The following ADCY2 variants were observed in gnomAD, a reference collection of about 807,000 sequenced individuals.
ADCY2 encodes the protein adenylate cyclase type 2.
In ADCY2, 31 loss-of-function variants were observed where a neutral mutation model predicts 125.2. The ratio of observed to expected loss-of-function variants is 0.25; its 90% CI spans 0.19 to 0.33. The LOEUF (loss-of-function observed/expected upper bound fraction) is 0.33. Among genes scored for constraint, ADCY2 ranks in the 10% least tolerant of loss-of-function variants. The pLI is 1.00. For synonymous variants in ADCY2, 512 were observed against 548.4 expected (o/e 0.93, Z 0.93); for missense variants, 904 against 1,418.2 (o/e 0.64, Z 5.82).
intron 4 of ADCY2, among the ~76,000 whole-genome samples, chr5:7,667,176 T>C (rs1468988306): frequency 1.3e-5 from 2 of 151,984 alleles, no homozygotes; most frequent in African/African-American, 4.8e-5. Context: ...TGCAGCTACT[T>C]CCAGGCTTTT....
intron 3 of ADCY2, among the ~76,000 whole-genome samples, chr5:7,550,780 G>A (rs868468375): frequency 6.6e-5 from 10 of 152,006 alleles, no homozygotes; most frequent in Admixed American, 3.9e-4. Context: ...TCACCTGTGC[G>A]GTTCCACTCA....
chr5:7,505,009 C>G (rs1197999248), intron 2 of ADCY2, among the ~76,000 whole-genome samples: 2 of 151,992 alleles, frequency 1.3e-5, no homozygotes, highest in Admixed American at 6.6e-5. Context: ...TCCCGAGTAA[C>G]TGGGACCACA....
At chr5:7,666,261 G>A (rs935399948) in intron 4 of ADCY2, among the ~76,000 whole-genome samples, 6 of 151,830 alleles carry the variant, frequency 4.0e-5, no homozygotes, top group Non-Finnish European at 8.8e-5. Flanking sequence ...CAGGAGGAAA[G>A]GAACTAGCAT....
intron 22 of ADCY2, among the ~76,000 whole-genome samples, chr5:7,813,266 A>G (rs1319611347): frequency 6.6e-6 from 1 of 152,238 alleles, no homozygotes; most frequent in African/African-American, 2.4e-5. Context: ...AGGGCCAGAC[A>G]CATGACAAAT....
chr5:7,724,411 T>G (rs566537324), intron 12 of ADCY2, 134 bp from the exon 13 acceptor site: 22 of 589,316 alleles, frequency 3.7e-5, no homozygotes, highest in Non-Finnish European at 5.4e-5. Context: ...ATCACGTGTT[T>G]TTTTTTTTTT....
chr5:7,461,564 C>T (rs1280344425), intron 2 of ADCY2, among the ~76,000 whole-genome samples: 1 of 152,222 alleles, frequency 6.6e-6, no homozygotes, highest in East Asian at 1.9e-4. Flanking sequence ...GCCTTTGGCA[C>T]ATCTTAGAAT....
chr5:7,808,143 A>C (rs1169657998), intron 22 of ADCY2, among the ~76,000 whole-genome samples: 1 of 152,194 alleles, frequency 6.6e-6, no homozygotes, highest in Non-Finnish European at 1.5e-5. Flanking sequence ...CCCGTGCCCC[A>C]ACCTGGGGAG....
At chr5:7,811,007 G>C (rs945856057) in intron 22 of ADCY2, among the ~76,000 whole-genome samples, 1 of 152,216 alleles carries the variant, frequency 6.6e-6, no homozygotes, top group African/African-American at 2.4e-5. Context: ...TCAGACCCAT[G>C]CTTTGATTGT....
chr5:7,820,515 G>T, intron 23 of ADCY2, 50 bp from the exon 24 acceptor site: 1 of 1,604,524 alleles, frequency 6.2e-7, no homozygotes, highest in Non-Finnish European at 8.5e-7. Flanking sequence ...AAAATAAAAA[G>T]ACAATGGTTA....
chr5:7,702,984 A>G (rs1299697753), intron 7 of ADCY2, among the ~76,000 whole-genome samples: 1 of 152,180 alleles, frequency 6.6e-6, no homozygotes, highest in Non-Finnish European at 1.5e-5. Context: ...GCCAGTGATG[A>G]TGAGCATTTT....
chr5:7,733,128 C>A (rs1310717459), intron 14 of ADCY2, among the ~76,000 whole-genome samples: 1 of 152,116 alleles, frequency 6.6e-6, no homozygotes, highest in Non-Finnish European at 1.5e-5. Flanking sequence ...GAATTTTTTT[C>A]TAGCACAATT....
At chr5:7,754,654 C>A (rs1742929185) in intron 15 of ADCY2, among the ~76,000 whole-genome samples, 4 of 152,000 alleles carry the variant, frequency 2.6e-5, no homozygotes, top group Admixed American at 2.6e-4. Flanking sequence ...TGAAGCTCGG[C>A]TCTTCATATT....
At chr5:7,467,434 C>T (rs937153739) in intron 2 of ADCY2, among the ~76,000 whole-genome samples, 4 of 152,262 alleles carry the variant, frequency 2.6e-5, no homozygotes, top group Non-Finnish European at 5.9e-5. Flanking sequence ...CATTGACCGC[C>T]GTGGAGAAGG....
chr5:7,536,109 T>C (rs1267969714), intron 3 of ADCY2, among the ~76,000 whole-genome samples: 1 of 152,236 alleles, frequency 6.6e-6, no homozygotes, highest in Non-Finnish European at 1.5e-5. Context: ...AACTCTGATG[T>C]AAGGCTTATT....
At chr5:7,770,772 A>G (rs1340561043) in intron 17 of ADCY2, among the ~76,000 whole-genome samples, 3 of 152,148 alleles carry the variant, frequency 2.0e-5, no homozygotes, top group Admixed American at 6.5e-5. Context: ...ACTCAAGACT[A>G]TTGATTAAAT....
intron 24 of ADCY2, among the ~76,000 whole-genome samples, 177 bp downstream of exon 24, chr5:7,820,866 T>C (rs991992176): frequency 6.6e-6 from 1 of 152,198 alleles, no homozygotes; most frequent in Non-Finnish European, 1.5e-5. Flanking sequence ...TATTGACTGT[T>C]AACAACAACA....
At chr5:7,430,135 C>T (rs1048308281) in intron 2 of ADCY2, among the ~76,000 whole-genome samples, 11 of 151,942 alleles carry the variant, frequency 7.2e-5, no homozygotes, top group Admixed American at 2.0e-4. Flanking sequence ...TATTGAAAAG[C>T]GAACCAGTAA....
At chr5:7,698,733 C>A (rs1334929686) in intron 7 of ADCY2, among the ~76,000 whole-genome samples, 8 of 152,198 alleles carry the variant, frequency 5.3e-5, no homozygotes, top group Admixed American at 5.2e-4. Context: ...TTTTTTATGG[C>A]TGCATAGTAT....
At chr5:7,792,111 G>A (rs931731829) in intron 20 of ADCY2, among the ~76,000 whole-genome samples, 2 of 150,750 alleles carry the variant, frequency 1.3e-5, no homozygotes, top group African/African-American at 2.5e-5. Flanking sequence ...GGTGGCTCAC[G>A]CCTGTAATCT....
Sources: allele counts gnomAD v4.1 joint callset (sites outside exome capture counted in the v4.1 genomes callset), GRCh38; gene constraint gnomAD v4.1.1; transcripts MANE v1.5; gene names NCBI Gene and HGNC (gene_info 2026-07-23, HGNC 2026-07-21).